FMN1: variants seen among roughly 807,000 people sequenced by gnomAD.
The protein encoded by FMN1 is formin-1.
FMN1 carries 110 observed loss-of-function variants against 132.4 expected under a neutral mutation model. The observed-to-expected ratio is 0.83, with a 90% CI of 0.71 to 0.97. The LOEUF is 0.97. Ranked by LOEUF, FMN1 falls within the 50% of genes least tolerant of loss-of-function variation. The pLI is 0.00. For missense variants in FMN1, 1,792 were observed against 1,705.3 expected (o/e 1.05, Z -0.90); for synonymous variants, 722 against 651.7 (o/e 1.11, Z -1.64).
chr15:33,082,243 T>G (rs2038510661), intron 5 of FMN1, among the ~76,000 whole-genome samples: 1 of 151,918 alleles, frequency 6.6e-6, no homozygotes, highest in African/African-American at 2.4e-5. Context: ...CGGCTAATTT[T>G]TGTGTTTTCA....
At chr15:32,995,256 A>AGT (rs992957912) in intron 7 of FMN1, among the ~76,000 whole-genome samples, 1 of 152,170 alleles carries the variant, frequency 6.6e-6, no homozygotes, top group Non-Finnish European at 1.5e-5. Context: ...TTTCCAAGAT[A>AGT]GTGTATGAAA....
At chr15:33,098,416 C>T (rs890647673) in intron 4 of FMN1, among the ~76,000 whole-genome samples, 10 of 152,100 alleles carry the variant, frequency 6.6e-5, no homozygotes, top group African/African-American at 2.4e-4. Context: ...CTCTAGGCTT[C>T]CAGAACACTT....
rs1464678917 is a variant in FMN1, at chr15:32,774,214, C to T, written c.*96G>A. 1 of 935,962 alleles carries T rather than the reference C, an allele frequency of 1.1e-6. No individual in the cohort carries two copies. The highest frequency in any genetic ancestry group is 1.7e-6 in the Non-Finnish European group (1 of 597,264). The allele number at this position is 935,962 out of a possible 1,614,324, so 58.0% of individuals were successfully genotyped here. A position where few individuals can be genotyped will look rare whatever the true frequency, so the allele number is the denominator to read the frequency against. ...ATGAGCAAAAACAAACATTTAGTGACACATCTTTCAAGAACGTCCTGCAAC... is the reference window on the plus strand; with the variant it reads ...ATGAGCAAAAACAAACATTTAGTGATACATCTTTCAAGAACGTCCTGCAAC... On this transcript the variant is annotated 3_prime_UTR_variant, in exon 21 of 21. Transcript: ENST00000616417.
intron 9 of FMN1, among the ~76,000 whole-genome samples, chr15:32,933,354 C>A (rs1392505986): frequency 1.3e-5 from 2 of 152,100 alleles, no homozygotes; most frequent in East Asian, 3.8e-4. Context: ...GGTATAATTC[C>A]AATTTTTAAA....
Position 32,769,816 on chromosome 15 carries a change from C to T in FMN1, c.*4494G>A, listed in dbSNP as rs1261759801. On this transcript the variant is annotated 3_prime_UTR_variant, in exon 21 of 21. Transcript: ENST00000616417. ...AAAGTTCACTTCTTTATTCTCTCCA[C>T]TCTCTTCAGTTGTAGGGTCCCTAAA... The T allele has an allele frequency of 6.6e-6, 1 of 152,196 alleles. No individual in the cohort carries two copies. The highest frequency in any genetic ancestry group is 1.5e-5 in the Non-Finnish European group (1 of 68,032). The allele number at this position is 152,196 out of a possible 1,614,324, so 9.4% of individuals were successfully genotyped here. A position where few individuals can be genotyped will look rare whatever the true frequency, so the allele number is the denominator to read the frequency against.
chr15:32,821,696 T>G (rs113594283), intron 17 of FMN1, among the ~76,000 whole-genome samples: 2,735 of 152,060 alleles, frequency 0.018, 70 homozygotes, highest in East Asian at 0.085. Context: ...ATGATCCACC[T>G]GCCTCAGCCT....
intron 16 of FMN1, among the ~76,000 whole-genome samples, chr15:32,887,090 G>A (rs1353073223): frequency 1.3e-5 from 2 of 152,140 alleles, no homozygotes; most frequent in East Asian, 1.9e-4. Context: ...TATGCCCAAA[G>A]TAAAAATAAA....
intron 4 of FMN1, among the ~76,000 whole-genome samples, chr15:33,102,983 A>AT (rs2039350591): frequency 6.6e-6 from 1 of 151,810 alleles, no homozygotes; most frequent in Non-Finnish European, 1.5e-5. Flanking sequence ...TTTATTTTTT[A>AT]TTTGTCTTTA....
intron 17 of FMN1, among the ~76,000 whole-genome samples, chr15:32,806,793 T>C (rs1027470172): frequency 6.6e-6 from 1 of 152,216 alleles, no homozygotes; most frequent in Non-Finnish European, 1.5e-5. Context: ...CCTCACTGCA[T>C]TGAGGTCTCA....
intron 4 of FMN1, among the ~76,000 whole-genome samples, chr15:33,139,453 G>A (rs1305009469): frequency 6.0e-5 from 3 of 50,164 alleles, no homozygotes; most frequent in African/African-American, 1.3e-4. Context: ...AAAATTAGCC[G>A]GTGTAGACAC....
At chr15:32,813,950 A>G (rs2057973259) in intron 17 of FMN1, among the ~76,000 whole-genome samples, 1 of 152,200 alleles carries the variant, frequency 6.6e-6, no homozygotes, top group Admixed American at 6.6e-5. Flanking sequence ...CCGAGGTGGT[A>G]TTTTGAAGCT....
intron 9 of FMN1, among the ~76,000 whole-genome samples, chr15:32,931,877 T>C (rs1400331879): frequency 6.6e-6 from 1 of 152,246 alleles, no homozygotes; most frequent in Non-Finnish European, 1.5e-5. Flanking sequence ...TAAAGAATAT[T>C]TCCTTCTTTA....
intron 2 of FMN1, among the ~76,000 whole-genome samples, chr15:33,188,660 G>A (rs1425751590): frequency 6.6e-6 from 1 of 151,970 alleles, no homozygotes; most frequent in African/African-American, 2.4e-5. Context: ...CTGCAATGTG[G>A]CAGCTATTGA....
intron 16 of FMN1, among the ~76,000 whole-genome samples, chr15:32,860,280 G>GAAGA (rs1469505416): frequency 6.6e-6 from 1 of 151,762 alleles, no homozygotes; most frequent in Admixed American, 6.6e-5. Flanking sequence ...AGAAAGAAAG[G>GAAGA]AAGAAAGGGA....
At chr15:32,981,540 A>AATT (rs368810753) in intron 7 of FMN1, among the ~76,000 whole-genome samples, 1 of 101,038 alleles carries the variant, frequency 9.9e-6, no homozygotes, top group Non-Finnish European at 2.2e-5. Flanking sequence ...TAATAATAAT[A>AATT]ATAATTATTA....
At chr15:32,969,816 G>C (rs1323395881) in intron 7 of FMN1, among the ~76,000 whole-genome samples, 1 of 152,118 alleles carries the variant, frequency 6.6e-6, no homozygotes, top group Non-Finnish European at 1.5e-5. Flanking sequence ...GGACATGCTT[G>C]AATATCTATC....
chr15:32,950,284 C>T (rs2061623062), intron 9 of FMN1, among the ~76,000 whole-genome samples: 1 of 151,274 alleles, frequency 6.6e-6, no homozygotes, highest in African/African-American at 2.4e-5. Context: ...GTGGCAATTC[C>T]TCAAAGACCT....
chr15:33,042,166 C>G (rs1431268477), intron 6 of FMN1, among the ~76,000 whole-genome samples: 1 of 151,872 alleles, frequency 6.6e-6, no homozygotes, highest in Non-Finnish European at 1.5e-5. Context: ...TGAGAAAAAT[C>G]CCATTTACAA....
intron 6 of FMN1, among the ~76,000 whole-genome samples, chr15:33,008,428 G>C (rs2034531291): frequency 6.6e-6 from 1 of 152,032 alleles, no homozygotes; most frequent in Non-Finnish European, 1.5e-5. Flanking sequence ...GACATCTTAA[G>C]AGCAGACAGG....
Sources: allele counts gnomAD v4.1 joint callset (sites outside exome capture counted in the v4.1 genomes callset), GRCh38; gene constraint gnomAD v4.1.1; transcripts MANE v1.5; gene names NCBI Gene and HGNC (gene_info 2026-07-23, HGNC 2026-07-21).